SNX29: variants seen among roughly 807,000 people sequenced by gnomAD.
SNX29 encodes the protein sorting nexin 29, also known as sorting nexin-29.
A neutral mutation model predicts 102.1 loss-of-function variants in SNX29; 78 were observed. The ratio of observed to expected loss-of-function variants is 0.76; its 90% confidence interval spans 0.64 to 0.92. The LOEUF (loss-of-function observed/expected upper bound fraction) is 0.92, where lower values mean the gene tolerates loss of function less well. Ranked by LOEUF, SNX29 falls within the 40% of genes least tolerant of loss-of-function variation. The pLI is 0.00. For synonymous variants in SNX29, 580 were observed against 414.5 expected, an observed-to-expected ratio of 1.40 and a Z score of -4.85; for missense variants, 1,280 against 1,061.7, an observed-to-expected ratio of 1.21 and a Z score of -2.86.
chr16:12,418,707 G>C (rs1048997689), intron 18 of SNX29, among the ~76,000 whole-genome samples: 2 of 152,122 alleles, frequency 1.3e-5, no homozygotes, highest in Non-Finnish European at 2.9e-5. Flanking sequence ...TAGAGACGGG[G>C]TTTTGCCCTG....
rs1597087709 is a variant in SNX29 at position 12,364,880 on chromosome 16, A to T, written c.1899+8601A>T. Among the ~76,000 whole-genome samples the T allele has an allele frequency of 3.3e-5, 5 of 151,190 alleles. No homozygotes were observed. In the South Asian group the frequency reaches 1.1e-3, roughly 32 times the overall value. ...CCATGCTGTCGGCTCCTTCCCCACC[A>T]CCTCCGCTCTCTCACTTGTCCCTTC... On this transcript the variant is annotated intron_variant, in intron 16 of 20. Coordinates refer to ENST00000566228, the MANE Select transcript of SNX29 (RefSeq NM_032167.5).
intron 3 of SNX29, among the ~76,000 whole-genome samples, chr16:12,012,029 A>C (rs1193980818): frequency 3.9e-5 from 6 of 152,182 alleles, no homozygotes; most frequent in African/African-American, 1.2e-4. Flanking sequence ...TGCCTCATTA[A>C]TTCCTTCATT....
At chr16:12,453,476 T>C (rs1247405754) in intron 18 of SNX29, among the ~76,000 whole-genome samples, 1 of 152,174 alleles carries the variant, frequency 6.6e-6, no homozygotes, top group Non-Finnish European at 1.5e-5. Flanking sequence ...TGCAGGGTTG[T>C]TGTGAAAACG....
At chr16:12,103,095 G>C (rs1462250371) in intron 11 of SNX29, among the ~76,000 whole-genome samples, 1 of 152,142 alleles carries the variant, frequency 6.6e-6, no homozygotes, top group Admixed American at 6.5e-5. Flanking sequence ...TCATGCATAG[G>C]TAGAATCAAT....
In SNX29 at chr16:12,563,632, C is replaced by T. The variant is rs190976879; in HGVS notation, c.2319-4874C>T. Reference sequence around the variant, plus strand: ...CATCTCACAGACGAGACTGTCCTGGCCCCAGAAGGTAGGAACTGAGTCTTT... The same window carrying T: ...CATCTCACAGACGAGACTGTCCTGGTCCCAGAAGGTAGGAACTGAGTCTTT... On this transcript the variant is annotated intron_variant, in intron 20 of 20. Transcript: ENST00000566228. 1.6e-3 allele frequency among the ~76,000 whole-genome samples: 238 copies of T among 152,264 alleles called. 2 individuals are homozygous for T. Among genetic ancestry groups the T allele is most frequent in the South Asian group, 2.1e-4 (1 of 4,820 alleles).
At chr16:12,467,981 C>T (rs1388310176) in intron 18 of SNX29, among the ~76,000 whole-genome samples, 1 of 152,074 alleles carries the variant, frequency 6.6e-6, no homozygotes, top group Admixed American at 6.6e-5. Flanking sequence ...CCCACTTCAT[C>T]ATCCTCTAAC....
intron 16 of SNX29, 149 bp downstream of exon 16, chr16:12,356,428 TA>T: frequency 1.6e-6 from 1 of 632,604 alleles, no homozygotes; most frequent in Non-Finnish European, 2.7e-6. Flanking sequence ...TTTTATTTTT[TA>T]TGGGGAGGGG....
chr16:12,088,160 T>G (rs1009834123), intron 11 of SNX29: 8 of 455,924 alleles, frequency 1.8e-5, no homozygotes, highest in Non-Finnish European at 3.5e-5. Flanking sequence ...GGCCTCACAG[T>G]GTCACTGTTT....
intron 15 of SNX29, among the ~76,000 whole-genome samples, chr16:12,283,538 C>G (rs2079500809): frequency 6.6e-6 from 1 of 152,056 alleles, no homozygotes; most frequent in South Asian, 2.1e-4. Context: ...TCAGGATGGT[C>G]TTGATCTCTT....
intron 16 of SNX29, among the ~76,000 whole-genome samples, chr16:12,389,873 G>T (rs148831327): frequency 6.6e-6 from 1 of 152,212 alleles, no homozygotes; most frequent in Non-Finnish European, 1.5e-5. Flanking sequence ...CCACTGTAAG[G>T]CTGCTCATTG....
At chr16:11,980,552 A>G (rs1327837305) in intron 1 of SNX29, among the ~76,000 whole-genome samples, 1 of 152,148 alleles carries the variant, frequency 6.6e-6, no homozygotes, top group African/African-American at 2.4e-5. Context: ...GCAGGGTCAT[A>G]TGGTAACTGT....
chr16:12,290,639 G>A (rs1036225360), intron 15 of SNX29, among the ~76,000 whole-genome samples: 3 of 152,162 alleles, frequency 2.0e-5, no homozygotes, highest in Non-Finnish European at 4.4e-5. Context: ...GACAAAGACT[G>A]TGTGATTTAT....
At chr16:12,153,763 C>A (rs1281809439) in intron 13 of SNX29, among the ~76,000 whole-genome samples, 1 of 152,012 alleles carries the variant, frequency 6.6e-6, no homozygotes. Context: ...TGGGAGTGAA[C>A]CACTGTGCAC....
intron 14 of SNX29, among the ~76,000 whole-genome samples, chr16:12,224,224 C>T (rs1263588347): frequency 6.6e-6 from 1 of 152,222 alleles, no homozygotes; most frequent in African/African-American, 2.4e-5. Context: ...GTAAATTCTA[C>T]ATCTCCCTTG....
chr16:12,558,237 C>CT (rs1567197322), intron 20 of SNX29, among the ~76,000 whole-genome samples: 32 of 76,136 alleles, frequency 4.2e-4, no homozygotes, highest in Admixed American at 2.6e-3. Flanking sequence ...TTCAGCCCCC[C>CT]CAGTAGATGG....
intron 13 of SNX29, among the ~76,000 whole-genome samples, chr16:12,160,823 G>A (rs1369687616): frequency 6.6e-6 from 1 of 152,228 alleles, no homozygotes; most frequent in Non-Finnish European, 1.5e-5. Context: ...AAGTGTTAGT[G>A]CTGTCCCCCA....
chr16:12,094,842 A>C (rs1481448110), intron 11 of SNX29, among the ~76,000 whole-genome samples: 1 of 151,976 alleles, frequency 6.6e-6, no homozygotes, highest in Admixed American at 6.5e-5. Context: ...GTTTTCCAGG[A>C]ACCGTATTTT....
chr16:12,333,556 C>T (rs1029616394), intron 15 of SNX29, among the ~76,000 whole-genome samples: 6 of 152,056 alleles, frequency 3.9e-5, no homozygotes, highest in African/African-American at 1.4e-4. Flanking sequence ...TACCTTTGTT[C>T]ATTCAACAAC....
intron 14 of SNX29, among the ~76,000 whole-genome samples, chr16:12,204,566 C>A (rs1317894092): frequency 1.3e-5 from 2 of 152,172 alleles, no homozygotes; most frequent in African/African-American, 4.8e-5. Context: ...AATTAATCTG[C>A]AGTCAGCCCA....
Sources: allele counts gnomAD v4.1 joint callset (sites outside exome capture counted in the v4.1 genomes callset), GRCh38; gene constraint gnomAD v4.1.1; transcripts MANE v1.5; gene names NCBI Gene and HGNC (gene_info 2026-07-23, HGNC 2026-07-21).